Variants in TMEM182 observed in about 807,000 individuals in gnomAD.
TMEM182 encodes transmembrane protein 182.
TMEM182 carries 20 observed loss-of-function variants against 26.8 expected under a neutral mutation model. That is an observed-to-expected ratio of 0.75 (90% CI 0.53 to 1.09). TMEM182 has a LOEUF of 1.09. Among genes scored for constraint, TMEM182 ranks in the 50% least tolerant of loss-of-function variants. The pLI, the probability that TMEM182 is intolerant of heterozygous loss-of-function variation, is 0.00. For missense variants in TMEM182, 277 were observed against 275.5 expected, an observed-to-expected ratio of 1.01 and a Z score of -0.04; for synonymous variants, 109 against 102.2, an observed-to-expected ratio of 1.07 and a Z score of -0.40.
chr2:102,800,854 GA>G (rs1682095734), intron 4 of TMEM182, among the ~76,000 whole-genome samples: 2 of 143,998 alleles, frequency 1.4e-5, no homozygotes, highest in East Asian at 2.1e-4. Flanking sequence ...TAGTAGCTTT[GA>G]AAAAAAATTG....
intron 1 of TMEM182, among the ~76,000 whole-genome samples, chr2:102,755,576 T>C (rs928061748): frequency 6.6e-6 from 1 of 152,226 alleles, no homozygotes; most frequent in Non-Finnish European, 1.5e-5. Flanking sequence ...AGGCAAGTGA[T>C]ATATGCTTGA....
At chr2:102,822,284 G>A (rs1682936705), downstream of TMEM182, among the ~76,000 whole-genome samples, 3 of 152,132 alleles carry the variant, frequency 2.0e-5, no homozygotes, top group Admixed American at 2.0e-4. Context: ...GTGCACTGGA[G>A]AACCAAACAG....
At chr2:102,805,365 T>C (rs1682307240) in intron 4 of TMEM182, among the ~76,000 whole-genome samples, 1 of 152,128 alleles carries the variant, frequency 6.6e-6, no homozygotes, top group Non-Finnish European at 1.5e-5. Context: ...GGAATGAGAA[T>C]GTGAAGAGAG....
chr2:102,738,326 G>C (rs1470729913), intron 1 of TMEM182, among the ~76,000 whole-genome samples: 1 of 152,170 alleles, frequency 6.6e-6, no homozygotes, highest in Non-Finnish European at 1.5e-5. Flanking sequence ...CAGGCGCGGT[G>C]GCTCACACCT....
chr2:102,837,302 A>C (rs1044387030), intron 3 of TMEM182, among the ~76,000 whole-genome samples: 1 of 152,190 alleles, frequency 6.6e-6, no homozygotes, highest in African/African-American at 2.4e-5. Context: ...AAAGTTGTTC[A>C]TTAAGATAAA....
At chr2:102,763,014 C>G (rs1673884278) in intron 2 of TMEM182, among the ~76,000 whole-genome samples, 2 of 152,050 alleles carry the variant, frequency 1.3e-5, no homozygotes, top group Admixed American at 1.3e-4. Context: ...TGTGTGAATA[C>G]TATGTTGCAA....
intron 4 of TMEM182, 21 bp from the exon 5 acceptor site, chr2:102,814,727 C>A: frequency 6.2e-7 from 1 of 1,602,406 alleles, no homozygotes; most frequent in Non-Finnish European, 8.5e-7. Flanking sequence ...GGCTAACAGT[C>A]TTCTGTTTCA....
At chr2:102,797,787 T>C in intron 3 of TMEM182, 76 bp from the exon 4 acceptor site, 1 of 1,515,564 alleles carries the variant, frequency 6.6e-7, no homozygotes, top group Non-Finnish European at 8.8e-7. Flanking sequence ...TGAAAGCAAC[T>C]GACTGTGACA....
At chr2:102,804,357 T>C (rs564961441) in intron 4 of TMEM182, among the ~76,000 whole-genome samples, 242 of 152,272 alleles carry the variant, frequency 1.6e-3, no homozygotes, top group African/African-American at 5.5e-3. Flanking sequence ...ATCATTCTTA[T>C]GCCTTTGCGT....
intron 3 of TMEM182, among the ~76,000 whole-genome samples, chr2:102,794,668 G>T (rs1427427666): frequency 6.6e-6 from 1 of 152,144 alleles, no homozygotes; most frequent in African/African-American, 2.4e-5. Context: ...AGAGCCTTGG[G>T]ATTATTTCCC....
At chr2:102,835,670 A>G (rs1049212032) in intron 3 of TMEM182, among the ~76,000 whole-genome samples, 2 of 151,964 alleles carry the variant, frequency 1.3e-5, no homozygotes, top group Admixed American at 6.6e-5. Context: ...TGTGCCTTTC[A>G]GAATTTTCTT....
intron 3 of TMEM182, among the ~76,000 whole-genome samples, chr2:102,788,800 A>G (rs375239697): frequency 6.6e-5 from 10 of 152,070 alleles, no homozygotes; most frequent in African/African-American, 2.4e-4. Flanking sequence ...GGCAAGTTTA[A>G]GGGTGGGAGG....
At chr2:102,792,028 TTA>T (rs1342262636) in intron 3 of TMEM182, among the ~76,000 whole-genome samples, 2 of 124,626 alleles carry the variant, frequency 1.6e-5, no homozygotes, top group East Asian at 2.1e-4. Flanking sequence ...ATATATAATT[TTA>T]TATGTGTGTA....
intron 3 of TMEM182, among the ~76,000 whole-genome samples, chr2:102,792,312 C>T (rs138114904): frequency 4.0e-4 from 61 of 152,188 alleles, no homozygotes; most frequent in African/African-American, 1.4e-3. Flanking sequence ...TACATGCAGC[C>T]GCTTTTCATA....
intron 3 of TMEM182, among the ~76,000 whole-genome samples, chr2:102,769,732 T>C (rs1680597748): frequency 6.6e-6 from 1 of 152,234 alleles, no homozygotes; most frequent in Admixed American, 6.5e-5. Context: ...ACTCAAAATA[T>C]AGGAATAAGT....
At chr2:102,756,725 A>C (rs1279505219) in intron 1 of TMEM182, among the ~76,000 whole-genome samples, 1 of 151,996 alleles carries the variant, frequency 6.6e-6, no homozygotes, top group Non-Finnish European at 1.5e-5. Flanking sequence ...AAACAAACAA[A>C]CGGAAACTCA....
intron 3 of TMEM182, among the ~76,000 whole-genome samples, chr2:102,776,913 C>T (rs558809708): frequency 1.3e-5 from 2 of 152,208 alleles, no homozygotes; most frequent in East Asian, 1.9e-4. Context: ...TGTTGAACAT[C>T]TTTTCTCATG....
intron 2 of TMEM182, 142 bp from the exon 3 acceptor site, chr2:102,764,184 CACA>C (rs1281373672): frequency 5.4e-6 from 4 of 739,608 alleles, no homozygotes; most frequent in African/African-American, 3.5e-5. Context: ...CCTTCCTCCT[CACA>C]ACAATTCGCT....
exon 1 of TMEM182, chr2:102,736,936 G>A (rs1331672686): frequency 5.6e-6 from 7 of 1,248,338 alleles, no homozygotes; most frequent in Middle Eastern, 5.8e-4. Flanking sequence ...CTACCTGGCA[G>A]CTCCGCGGGT....
Sources: allele counts gnomAD v4.1 joint callset (sites outside exome capture counted in the v4.1 genomes callset), GRCh38; gene constraint gnomAD v4.1.1; transcripts MANE v1.5; gene names NCBI Gene and HGNC (gene_info 2026-07-23, HGNC 2026-07-21).